The following STK32B variants were observed in gnomAD, a reference collection of about 807,000 sequenced individuals.
The protein encoded by STK32B is serine/threonine-protein kinase 32B.
Under a neutral mutation model 52.6 loss-of-function variants are expected in STK32B, and 43 were observed. That is an observed-to-expected ratio of 0.82 (90% CI 0.64 to 1.05). STK32B has a LOEUF of 1.05. Among genes scored for constraint, STK32B ranks in the 50% least tolerant of loss-of-function variants. The pLI, the probability that STK32B is intolerant of heterozygous loss-of-function variation, is 0.00. For missense variants in STK32B, 621 were observed against 534.6 expected (o/e 1.16, Z -1.59); for synonymous variants, 238 against 204.3 (o/e 1.17, Z -1.41).
At chr4:5,323,260 C>T (rs1731640008) in intron 3 of STK32B, among the ~76,000 whole-genome samples, 1 of 152,086 alleles carries the variant, frequency 6.6e-6, no homozygotes, top group African/African-American at 2.4e-5. Context: ...AATGGAATCA[C>T]CTCCGAGGCA....
At chr4:5,296,387 G>A (rs1325891673) in intron 3 of STK32B, among the ~76,000 whole-genome samples, 5 of 152,146 alleles carry the variant, frequency 3.3e-5, no homozygotes, top group African/African-American at 1.2e-4. Context: ...CTGTTATTGT[G>A]TGGGAGTCCA....
intron 3 of STK32B, among the ~76,000 whole-genome samples, chr4:5,323,930 C>G (rs553433523): frequency 6.6e-6 from 1 of 152,324 alleles, no homozygotes; most frequent in East Asian, 1.9e-4. Context: ...CCCAGCTCTG[C>G]TATTCCCTGG....
At chr4:5,301,866 G>T (rs1577315051) in intron 3 of STK32B, among the ~76,000 whole-genome samples, 2 of 149,726 alleles carry the variant, frequency 1.3e-5, no homozygotes, top group Admixed American at 6.7e-5. Context: ...AGTTTCTTAG[G>T]GTAGAAGTTA....
chr4:5,124,312 C>G (rs1243344610), intron 1 of STK32B, among the ~76,000 whole-genome samples: 4 of 152,218 alleles, frequency 2.6e-5, no homozygotes, highest in African/African-American at 7.2e-5. Flanking sequence ...CTGCTCTTCT[C>G]TGTAAAACCA....
intron 3 of STK32B, among the ~76,000 whole-genome samples, chr4:5,173,970 T>G (rs7677793): frequency 0.071 from 10,859 of 152,258 alleles, 665 homozygotes; most frequent in Admixed American, 0.17. Context: ...AGGACTTGCT[T>G]TATAAATCTG....
intron 3 of STK32B, among the ~76,000 whole-genome samples, chr4:5,210,573 A>G (rs916749716): frequency 6.6e-6 from 1 of 152,066 alleles, no homozygotes; most frequent in African/African-American, 2.4e-5. Context: ...TTGTGGGCTT[A>G]TGTCTGTGAT....
chr4:5,409,944 C>T (rs1711521564), intron 5 of STK32B, among the ~76,000 whole-genome samples: 1 of 152,174 alleles, frequency 6.6e-6, no homozygotes, highest in African/African-American at 2.4e-5. Flanking sequence ...AGTCTTCCTA[C>T]TGTCATAAGC....
At chr4:5,049,135 G>A (rs896706473), upstream of STK32B, among the ~76,000 whole-genome samples, 1 of 152,084 alleles carries the variant, frequency 6.6e-6, no homozygotes, top group Non-Finnish European at 1.5e-5. Flanking sequence ...CTTCCAACCC[G>A]GTTGATTCCT....
intron 3 of STK32B, among the ~76,000 whole-genome samples, chr4:5,288,209 C>A (rs1560288064): frequency 6.6e-6 from 1 of 152,010 alleles, no homozygotes; most frequent in Non-Finnish European, 1.5e-5. Context: ...ATATTTGGTC[C>A]AGGTTTTTGT....
At chr4:5,238,229 G>A (rs1724766713) in intron 3 of STK32B, among the ~76,000 whole-genome samples, 1 of 152,164 alleles carries the variant, frequency 6.6e-6, no homozygotes, top group African/African-American at 2.4e-5. Flanking sequence ...TGCTTTCTCT[G>A]AAATCTGTGG....
chr4:5,231,401 A>G (rs1724258310), intron 3 of STK32B, among the ~76,000 whole-genome samples: 2 of 152,166 alleles, frequency 1.3e-5, no homozygotes. Flanking sequence ...GCTTGAGGCC[A>G]GGAGTTCGAG....
At chr4:5,237,664 G>A (rs1345927776) in intron 3 of STK32B, among the ~76,000 whole-genome samples, 2 of 152,184 alleles carry the variant, frequency 1.3e-5, no homozygotes, top group African/African-American at 4.8e-5. Flanking sequence ...ATGGATCATT[G>A]CAAGGTGGTG....
At chr4:5,385,873 A>G (rs1426653044) in intron 4 of STK32B, among the ~76,000 whole-genome samples, 1 of 136,156 alleles carries the variant, frequency 7.3e-6, no homozygotes, top group Non-Finnish European at 1.6e-5. Flanking sequence ...AGCTCCACCT[A>G]CAACCTCACC....
chr4:5,266,072 C>T (rs902882152), intron 3 of STK32B, among the ~76,000 whole-genome samples: 1 of 152,124 alleles, frequency 6.6e-6, no homozygotes, highest in Admixed American at 6.5e-5. Context: ...TACATTTAGT[C>T]TCTTAATATA....
intron 11 of STK32B, among the ~76,000 whole-genome samples, chr4:5,472,602 A>G (rs375350670): frequency 6.6e-6 from 1 of 152,192 alleles, no homozygotes; most frequent in East Asian, 1.9e-4. Context: ...TTTCAATAGC[A>G]TTTGACATTT....
At chr4:5,444,490 C>T (rs868012304) in intron 6 of STK32B, among the ~76,000 whole-genome samples, 6 of 152,318 alleles carry the variant, frequency 3.9e-5, no homozygotes, top group African/African-American at 1.4e-4. Flanking sequence ...CACTGACCTG[C>T]GCCCACTGTC....
chr4:5,200,785 T>C (rs1440809842), intron 3 of STK32B, among the ~76,000 whole-genome samples: 1 of 152,162 alleles, frequency 6.6e-6, no homozygotes, highest in East Asian at 1.9e-4. Context: ...TCACCAAGCA[T>C]CACATCAATG....
chr4:5,248,050 C>G (rs1725590334), intron 3 of STK32B, among the ~76,000 whole-genome samples: 2 of 152,186 alleles, frequency 1.3e-5, no homozygotes, highest in African/African-American at 2.4e-5. Context: ...GCAACCGCAG[C>G]TACAGGTGTG....
At chr4:5,046,808 G>A (rs901580528), upstream of STK32B, among the ~76,000 whole-genome samples, 1 of 152,204 alleles carries the variant, frequency 6.6e-6, no homozygotes, top group Non-Finnish European at 1.5e-5. Flanking sequence ...ACACCAGTCA[G>A]AAGGGTGATT....
Sources: allele counts gnomAD v4.1 joint callset (sites outside exome capture counted in the v4.1 genomes callset), GRCh38; gene constraint gnomAD v4.1.1; transcripts MANE v1.5; gene names NCBI Gene and HGNC (gene_info 2026-07-23, HGNC 2026-07-21).